The following ANKRD55 variants were observed in gnomAD, a reference collection of about 807,000 sequenced individuals.
The protein encoded by ANKRD55 is ankyrin repeat domain-containing protein 55.
ANKRD55 carries 41 observed loss-of-function variants against 60.6 expected under a neutral mutation model. The observed-to-expected ratio is 0.68, with a 90% CI of 0.53 to 0.88. ANKRD55 has a LOEUF of 0.88. ANKRD55 is among the 40% of genes least tolerant of loss of function. The probability of loss-of-function intolerance (pLI) is 0.00; values close to 1 mark genes in which losing one functional copy is unlikely to be tolerated. For synonymous variants in ANKRD55, 264 were observed against 290.3 expected (o/e 0.91, Z 0.92); for missense variants, 732 against 767.6 (o/e 0.95, Z 0.55).
At chr5:56,223,136 C>G (rs536514263) in intron 2 of ANKRD55, among the ~76,000 whole-genome samples, 1 of 152,294 alleles carries the variant, frequency 6.6e-6, no homozygotes, top group South Asian at 2.1e-4. Context: ...GGAAGCCCAT[C>G]AAACCAATAG....
chr5:56,221,591 C>G (rs993858415), intron 2 of ANKRD55, among the ~76,000 whole-genome samples: 10 of 152,198 alleles, frequency 6.6e-5, no homozygotes, highest in African/African-American at 2.2e-4. Flanking sequence ...AATTCCCTTT[C>G]CTAGCCAAGG....
At chr5:56,217,683 A>G (rs1180894325) in intron 2 of ANKRD55, among the ~76,000 whole-genome samples, 1 of 152,168 alleles carries the variant, frequency 6.6e-6, no homozygotes, top group East Asian at 1.9e-4. Flanking sequence ...TCATGAAGTC[A>G]GGAGATTGAG....
rs532219878 is a variant in ANKRD55, at chr5:56,223,621, G to A, written c.58+9235C>T. Among the ~76,000 whole-genome samples, 4 of 152,260 alleles carry A rather than the reference G, an allele frequency of 2.6e-5. No individual in the cohort carries two copies. In the East Asian group the frequency reaches 7.7e-4, roughly 29 times the overall value. On this transcript the variant is annotated intron_variant, in intron 2 of 11. Coordinates refer to ENST00000341048, the MANE Select transcript of ANKRD55 (RefSeq NM_024669.3). ...ATTCAGGAGACCCATCTCACATGCA[G>A]AGACACACATAGGCTCAAAAGAAGA...
At chr5:56,104,145 A>G (rs1205030666) in intron 10 of ANKRD55, among the ~76,000 whole-genome samples, 1 of 152,230 alleles carries the variant, frequency 6.6e-6, no homozygotes, top group Non-Finnish European at 1.5e-5. Flanking sequence ...ACGAGATAAT[A>G]ATTTTGAGTT....
chr5:56,173,309 T>C (rs536094231), intron 4 of ANKRD55, among the ~76,000 whole-genome samples: 1 of 152,084 alleles, frequency 6.6e-6, no homozygotes, highest in Non-Finnish European at 1.5e-5. Flanking sequence ...GTGATTCTCC[T>C]GCCTCAGCTT....
At chr5:56,103,887 GTGA>G (rs1756366680) in intron 10 of ANKRD55, among the ~76,000 whole-genome samples, 1 of 152,206 alleles carries the variant, frequency 6.6e-6, no homozygotes, top group African/African-American at 2.4e-5. Flanking sequence ...ATCTGTTTAA[GTGA>G]ATCTCATGGT....
intron 10 of ANKRD55, among the ~76,000 whole-genome samples, chr5:56,105,900 C>T (rs968198932): frequency 1.3e-5 from 2 of 152,168 alleles, no homozygotes; most frequent in Non-Finnish European, 2.9e-5. Context: ...TTTCTTGTGA[C>T]GGCTTATAAA....
At chr5:56,109,933 G>A (rs551066175) in intron 10 of ANKRD55, among the ~76,000 whole-genome samples, 21 of 152,036 alleles carry the variant, frequency 1.4e-4, no homozygotes, top group Admixed American at 3.3e-4. Flanking sequence ...CAGGAGAATC[G>A]CTTGAACCCG....
intron 2 of ANKRD55, among the ~76,000 whole-genome samples, chr5:56,208,397 T>C (rs1323483727): frequency 2.7e-5 from 4 of 149,482 alleles, no homozygotes; most frequent in African/African-American, 1.0e-4. Context: ...TAATTGTATG[T>C]GTTTTTTTAA....
chr5:56,145,351 C>A (rs1430368214), intron 6 of ANKRD55, among the ~76,000 whole-genome samples: 7 of 152,170 alleles, frequency 4.6e-5, no homozygotes, highest in Admixed American at 4.6e-4. Context: ...CTTCCCCAGG[C>A]CTGGGCTAGA....
At chr5:56,197,989 T>C (rs991445887) in intron 2 of ANKRD55, among the ~76,000 whole-genome samples, 3 of 152,232 alleles carry the variant, frequency 2.0e-5, no homozygotes, top group Non-Finnish European at 4.4e-5. Flanking sequence ...TCTCCATTTG[T>C]TTTCAGTTCA....
At chr5:56,121,574 T>C (rs539807130) in intron 8 of ANKRD55, among the ~76,000 whole-genome samples, 2 of 152,142 alleles carry the variant, frequency 1.3e-5, no homozygotes, top group South Asian at 2.1e-4. Context: ...GGTTTCACCA[T>C]GTTGGCCAGG....
chr5:56,195,802 G>C (rs1204828982), intron 2 of ANKRD55, among the ~76,000 whole-genome samples: 3 of 152,088 alleles, frequency 2.0e-5, no homozygotes, highest in Non-Finnish European at 2.9e-5. Flanking sequence ...TCTTTGAATG[G>C]TTTATTTGAG....
chr5:56,150,449 A>AG (rs1189274447), intron 6 of ANKRD55, among the ~76,000 whole-genome samples: 1 of 150,910 alleles, frequency 6.6e-6, no homozygotes. Context: ...ACAGAAAAAA[A>AG]AAAAATTAGT....
chr5:56,178,980 T>C (rs1758800054), intron 3 of ANKRD55, among the ~76,000 whole-genome samples: 1 of 152,030 alleles, frequency 6.6e-6, no homozygotes, highest in Non-Finnish European at 1.5e-5. Context: ...TGGGGATAAA[T>C]GTGGCAACAT....
At chr5:56,123,899 A>C (rs547390298) in intron 8 of ANKRD55, among the ~76,000 whole-genome samples, 2 of 152,294 alleles carry the variant, frequency 1.3e-5, no homozygotes, top group East Asian at 3.9e-4. Context: ...CTGCAAACAC[A>C]GCCAATCTGC....
chr5:56,151,981 G>A (rs999996916), intron 6 of ANKRD55, among the ~76,000 whole-genome samples: 2 of 148,314 alleles, frequency 1.3e-5, no homozygotes, highest in African/African-American at 5.0e-5. Flanking sequence ...CCTCACTAAA[G>A]CTTTTGTGCA....
intron 11 of ANKRD55, among the ~76,000 whole-genome samples, chr5:56,101,061 A>G (rs1029668453): frequency 4.6e-5 from 7 of 152,186 alleles, no homozygotes; most frequent in Non-Finnish European, 8.8e-5. Flanking sequence ...CCTTGGACAT[A>G]TCCCTCTACC....
chr5:56,140,550 C>G (rs1019410745), intron 7 of ANKRD55, among the ~76,000 whole-genome samples: 6 of 152,128 alleles, frequency 3.9e-5, no homozygotes, highest in African/African-American at 1.2e-4. Flanking sequence ...ATCTTTTTGC[C>G]TCCAATGCAA....
Sources: allele counts gnomAD v4.1 joint callset (sites outside exome capture counted in the v4.1 genomes callset), GRCh38; gene constraint gnomAD v4.1.1; transcripts MANE v1.5; gene names NCBI Gene and HGNC (gene_info 2026-07-23, HGNC 2026-07-21).